The following ARID4B variants were observed in gnomAD, a reference collection of about 807,000 sequenced individuals.
The protein encoded by ARID4B is AT-rich interaction domain 4B.
Under a neutral mutation model 147.5 loss-of-function variants are expected in ARID4B, and 26 were observed. The ratio of observed to expected loss-of-function variants is 0.18; its 90% CI spans 0.13 to 0.24. The LOEUF is 0.24. ARID4B is among the 10% of genes least tolerant of loss of function. The pLI is 1.00. For missense variants in ARID4B, 1,179 were observed against 1,511.5 expected (o/e 0.78, Z 3.65); for synonymous variants, 512 against 507.9 (o/e 1.01, Z -0.11).
chr1:235,271,964 T>TAAAA (rs1466828265), intron 2 of ARID4B, among the ~76,000 whole-genome samples: 1 of 106,438 alleles, frequency 9.4e-6, no homozygotes, highest in Non-Finnish European at 2.0e-5. Context: ...GTAATAATAA[T>TAAAA]AATAAATAAT....
chr1:235,169,345 A>C (rs1454477441), intron 23 of ARID4B, among the ~76,000 whole-genome samples: 1 of 150,728 alleles, frequency 6.6e-6, no homozygotes, highest in Non-Finnish European at 1.5e-5. Context: ...AGTTCACGCC[A>C]TTCTCCTGCC....
chr1:235,231,532 A>G (rs1198453007), intron 9 of ARID4B, among the ~76,000 whole-genome samples: 1 of 152,086 alleles, frequency 6.6e-6, no homozygotes, highest in Non-Finnish European at 1.5e-5. Flanking sequence ...TGTCATCCAG[A>G]CTGGAGTGCA....
chr1:235,237,810 G>A (rs1419560164), intron 8 of ARID4B, among the ~76,000 whole-genome samples: 2 of 152,214 alleles, frequency 1.3e-5, no homozygotes, highest in African/African-American at 2.4e-5. Flanking sequence ...ATGAGAGAAT[G>A]AGAATAAAGA....
chr1:235,210,832 A>G (rs1436418408), intron 17 of ARID4B, among the ~76,000 whole-genome samples: 1 of 152,024 alleles, frequency 6.6e-6, no homozygotes, highest in Non-Finnish European at 1.5e-5. Flanking sequence ...CTCAATTTAA[A>G]TTCTTTCCTT....
At chr1:235,251,884 C>T (rs112532427) in intron 6 of ARID4B, among the ~76,000 whole-genome samples, 176 of 152,202 alleles carry the variant, frequency 1.2e-3, no homozygotes, top group African/African-American at 4.1e-3. Flanking sequence ...TTTGTGAACC[C>T]TCTGCTCTTA....
chr1:235,225,239 T>G (rs1667754836), intron 11 of ARID4B, among the ~76,000 whole-genome samples: 1 of 152,238 alleles, frequency 6.6e-6, no homozygotes, highest in Non-Finnish European at 1.5e-5. Context: ...TGACTGCAAG[T>G]ATCCTTCATT....
At chr1:235,216,918 T>C (rs572984864) in intron 16 of ARID4B, among the ~76,000 whole-genome samples, 2 of 152,184 alleles carry the variant, frequency 1.3e-5, no homozygotes, top group African/African-American at 4.8e-5. Flanking sequence ...AGAATCATCA[T>C]ATAAAAATGA....
At chr1:235,227,510 A>G (rs1230327007) in intron 11 of ARID4B, among the ~76,000 whole-genome samples, 3 of 152,232 alleles carry the variant, frequency 2.0e-5, no homozygotes, top group African/African-American at 7.2e-5. Context: ...GCAGAATTTC[A>G]TAACTTACCT....
chr1:235,255,600 G>T, intron 5 of ARID4B, 60 bp downstream of exon 5: 3 of 1,056,570 alleles, frequency 2.8e-6, no homozygotes, highest in South Asian at 1.5e-5. Flanking sequence ...CATTTTATTT[G>T]TATTAAGTTT....
rs572915856 is a variant in ARID4B, at chr1:235,224,696, T to C, written c.970+7A>G. The stretch of plus-strand genomic sequence containing the variant: ...TACCACGTTAATGATAAATAAAAAA[T>C]ACTCACCTCTATCTTCCATAAATTT... On this transcript the variant is annotated splice_region_variant and intron_variant, in intron 12 of 23. Transcript: ENST00000264183. 38 of 1,553,132 alleles carry C rather than the reference T, an allele frequency of 2.4e-5. No individual in the cohort carries two copies. Among genetic ancestry groups the C allele is most frequent in the Non-Finnish European group, 3.2e-5 (36 of 1,130,346 alleles).
chr1:235,167,216 T>C lies in ARID4B; in HGVS notation c.*1309A>G, dbSNP rs1663031772. The C allele has an allele frequency of 4.7e-6, 1 of 211,186 alleles. No homozygotes were observed. Among genetic ancestry groups the C allele is most frequent in the African/African-American group, 2.3e-5 (1 of 44,078 alleles). 13.1% of individuals were successfully genotyped at this position (211,186 alleles called of 1,614,324 possible). On this transcript the variant is annotated 3_prime_UTR_variant, in exon 24 of 24. Transcript: ENST00000264183. ...AACGCATTGAAATTCCCACGTCGTA[T>C]TGCCAGGAAACAAAGAAAACATGCC...
At position 235,255,277 on chromosome 1, in the gene ARID4B, C is replaced by T. The variant is rs371335777; in HGVS notation, c.274+383G>A. On this transcript the variant is annotated intron_variant, in intron 5 of 23. Coordinates refer to ENST00000264183, the MANE Select transcript of ARID4B (RefSeq NM_016374.6). ...TAGATAGATAGATATATATCTCTCTCTCTCTCTCTCTATATATATATATAC... is the reference window on the plus strand; with the variant it reads ...TAGATAGATAGATATATATCTCTCTTTCTCTCTCTCTATATATATATATAC... Among the ~76,000 whole-genome samples the T allele has an allele frequency of 1.4e-3, 177 of 130,626 alleles. 3 individuals are homozygous for T. Among genetic ancestry groups the T allele is most frequent in the Middle Eastern group, 4.6e-3 (1 of 216 alleles). The allele number at this position is 130,626 out of a possible 152,430, so 85.7% of individuals were successfully genotyped here. A position where few individuals can be genotyped will look rare whatever the true frequency, so the allele number is the denominator to read the frequency against.
At chr1:235,227,300 A>G (rs1667892721) in intron 11 of ARID4B, among the ~76,000 whole-genome samples, 1 of 152,222 alleles carries the variant, frequency 6.6e-6, no homozygotes, top group Non-Finnish European at 1.5e-5. Context: ...CTTAACTTTT[A>G]CAGTGACAAA....
intron 2 of ARID4B, among the ~76,000 whole-genome samples, chr1:235,294,024 A>C (rs895735240): frequency 6.6e-6 from 1 of 152,158 alleles, no homozygotes; most frequent in Non-Finnish European, 1.5e-5. Flanking sequence ...CAAATATCAT[A>C]ATCTTAGTTT....
intron 3 of ARID4B, 81 bp from the exon 4 acceptor site, chr1:235,257,306 G>A: frequency 2.1e-6 from 2 of 930,618 alleles, no homozygotes; most frequent in Non-Finnish European, 3.5e-6. Flanking sequence ...TTCATTTGTA[G>A]TAAAAGAAAT....
chr1:235,270,631 A>T (rs558930561), intron 2 of ARID4B, among the ~76,000 whole-genome samples: 4 of 152,362 alleles, frequency 2.6e-5, no homozygotes, highest in African/African-American at 7.2e-5. Flanking sequence ...AACAGGCAAG[A>T]GAGAAATTGG....
chr1:235,227,703 T>C (rs1037009096), intron 11 of ARID4B, among the ~76,000 whole-genome samples: 1 of 152,080 alleles, frequency 6.6e-6, no homozygotes, highest in African/African-American at 2.4e-5. Flanking sequence ...AAATCCAAAA[T>C]TTGAGCTCTT....
intron 7 of ARID4B, among the ~76,000 whole-genome samples, chr1:235,241,542 C>G (rs1017336667): frequency 6.6e-6 from 1 of 151,946 alleles, no homozygotes; most frequent in Non-Finnish European, 1.5e-5. Flanking sequence ...TTTTTTGAGG[C>G]GGAGTCTAGC....
At chr1:235,217,831 A>T (rs1405181533) in intron 16 of ARID4B, among the ~76,000 whole-genome samples, 1 of 152,130 alleles carries the variant, frequency 6.6e-6, no homozygotes, top group East Asian at 1.9e-4. Flanking sequence ...AAAACTCAAA[A>T]ATCAATTACA....
Sources: gnomAD v4.1 joint callset for allele counts (sites outside exome capture counted in the v4.1 genomes callset) on GRCh38, gnomAD v4.1.1 for gene constraint, MANE v1.5 for transcripts, NCBI Gene and HGNC (gene_info 2026-07-23, HGNC 2026-07-21) for gene names.